Variants in NRG1 observed in about 807,000 individuals in gnomAD.
NRG1 encodes pro-neuregulin-1, membrane-bound isoform.
A neutral mutation model predicts 63.8 loss-of-function variants in NRG1; 18 were observed. The ratio of observed to expected loss-of-function variants is 0.28; its 90% CI spans 0.19 to 0.42. The LOEUF (loss-of-function observed/expected upper bound fraction) is 0.42. Among genes scored for constraint, NRG1 ranks in the 10% least tolerant of loss-of-function variants. The pLI, the probability that NRG1 is intolerant of heterozygous loss-of-function variation, is 1.00. For synonymous variants in NRG1, 302 were observed against 301.3 expected (o/e 1.00, Z -0.02); for missense variants, 762 against 814.7 (o/e 0.94, Z 0.79).
chr8:32,372,917 G>A (rs907733149), intron 1 of NRG1, among the ~76,000 whole-genome samples: 5 of 152,206 alleles, frequency 3.3e-5, no homozygotes, highest in Admixed American at 6.5e-5. Context: ...GAGGGAAGGC[G>A]AGTGACAGCA....
chr8:32,074,723 A>G (rs1311078205), intron 1 of NRG1, among the ~76,000 whole-genome samples: 2 of 152,190 alleles, frequency 1.3e-5, no homozygotes, highest in African/African-American at 4.8e-5. Context: ...TTATGAATTC[A>G]TTGGAAATAG....
chr8:32,489,521 G>A (rs532816039), intron 1 of NRG1, among the ~76,000 whole-genome samples: 2 of 152,126 alleles, frequency 1.3e-5, no homozygotes, highest in Non-Finnish European at 2.9e-5. Context: ...GCACTGTCCT[G>A]CTCTGCTCAT....
chr8:32,134,016 A>C (rs1433749685), intron 1 of NRG1, among the ~76,000 whole-genome samples: 1 of 152,112 alleles, frequency 6.6e-6, no homozygotes, highest in Non-Finnish European at 1.5e-5. Flanking sequence ...CAGATAAAAG[A>C]ATTTTACACT....
intron 1 of NRG1, among the ~76,000 whole-genome samples, chr8:32,017,785 A>T (rs964283201): frequency 6.6e-6 from 1 of 152,132 alleles, no homozygotes; most frequent in African/African-American, 2.4e-5. Context: ...CCCTCCAGGA[A>T]CCTCCACACA....
At chr8:31,735,959 G>A (rs1299349098) in intron 1 of NRG1, among the ~76,000 whole-genome samples, 4 of 152,078 alleles carry the variant, frequency 2.6e-5, no homozygotes, top group Non-Finnish European at 5.9e-5. Flanking sequence ...CCTCACATCT[G>A]TCCTTTTCTT....
At chr8:32,520,304 G>A (rs1394893640) in intron 1 of NRG1, among the ~76,000 whole-genome samples, 1 of 151,636 alleles carries the variant, frequency 6.6e-6, no homozygotes, top group Non-Finnish European at 1.5e-5. Context: ...CCACAGGCAC[G>A]TGCCACCTTG....
At chr8:31,661,151 G>T (rs576497868) in intron 1 of NRG1, among the ~76,000 whole-genome samples, 1 of 152,176 alleles carries the variant, frequency 6.6e-6, no homozygotes, top group African/African-American at 2.4e-5. Context: ...TATTTTAATG[G>T]TTACATCTAA....
intron 1 of NRG1, among the ~76,000 whole-genome samples, chr8:31,676,333 T>C (rs1807694974): frequency 1.3e-5 from 2 of 152,184 alleles, no homozygotes; most frequent in African/African-American, 2.4e-5. Flanking sequence ...AATATTTCCA[T>C]GCGATCATAG....
At position 31,714,663 on chromosome 8, in the gene NRG1, T is replaced by C. The variant is rs147999528; in HGVS notation, c.37+75232T>C. Among the ~76,000 whole-genome samples, 673 of 152,298 alleles carry C rather than the reference T, an allele frequency of 4.4e-3. 6 individuals carry two copies. The highest frequency in any genetic ancestry group is 0.016 in the African/African-American group (645 of 41,580). On this transcript the variant is annotated intron_variant, in intron 1 of 10. Transcript: ENST00000519301. ...GCACTTTGCTTCCTGAGATAAATCATCTATATGCATCTATCCATGTATCTA... is the reference window on the plus strand; with the variant it reads ...GCACTTTGCTTCCTGAGATAAATCACCTATATGCATCTATCCATGTATCTA...
intron 1 of NRG1, among the ~76,000 whole-genome samples, chr8:32,448,734 G>T (rs549555068): frequency 4.3e-4 from 65 of 152,148 alleles, no homozygotes; most frequent in African/African-American, 1.4e-3. Flanking sequence ...GAGGTTCCTC[G>T]GCACCTCCTG....
At chr8:31,732,567 G>T (rs1240741502) in intron 1 of NRG1, among the ~76,000 whole-genome samples, 1 of 152,078 alleles carries the variant, frequency 6.6e-6, no homozygotes, top group African/African-American at 2.4e-5. Flanking sequence ...TAGCATTAAA[G>T]TCAGGACTTT....
At chr8:31,903,142 C>T (rs574856276) in intron 1 of NRG1, among the ~76,000 whole-genome samples, 47 of 127,630 alleles carry the variant, frequency 3.7e-4, no homozygotes, top group African/African-American at 1.1e-3. Context: ...GGCCTAGAGC[C>T]TTCAACTTTT....
intron 1 of NRG1, among the ~76,000 whole-genome samples, chr8:31,785,263 T>C (rs1820060842): frequency 6.6e-6 from 1 of 152,018 alleles, no homozygotes; most frequent in African/African-American, 2.4e-5. Context: ...AGTATGGGAG[T>C]TGTCCTTCAA....
rs530152172 is a variant in NRG1 at position 32,594,276 on chromosome 8, G to C, written c.101-1552G>C. On this transcript the variant is annotated intron_variant, in intron 1 of 11. Transcript: ENST00000356819. ...TTAGGTACGGAATCAGGGAGGTATAGACTCATTTGCCTGGGTTTGTTTTCT... is the reference window on the plus strand; with the variant it reads ...TTAGGTACGGAATCAGGGAGGTATACACTCATTTGCCTGGGTTTGTTTTCT... 1.3e-4 allele frequency among the ~76,000 whole-genome samples: 20 copies of C among 152,234 alleles called. 1 individual carries two copies. The highest frequency in any genetic ancestry group is 4.8e-4 in the African/African-American group (20 of 41,532).
In NRG1 at chr8:32,637,110, T is replaced by C. The variant is rs565027333; in HGVS notation, c.502+20225T>C. 1.6e-4 allele frequency among the ~76,000 whole-genome samples: 25 copies of C among 152,238 alleles called. No individual in the cohort carries two copies. The South Asian group carries it at 1.7e-3, about 10-fold the overall frequency. On this transcript the variant is annotated intron_variant, in intron 5 of 11. Coordinates refer to ENST00000356819, the Ensembl canonical transcript of NRG1. ...AAAGTTCCAGCATTTTATTATGAAA[T>C]TTTCAAACATAGAGAAAAGGTGAAT... is the stretch of plus-strand genomic sequence containing the variant.
intron 1 of NRG1, among the ~76,000 whole-genome samples, chr8:31,922,096 C>A (rs1302309283): frequency 6.6e-6 from 1 of 152,154 alleles, no homozygotes; most frequent in Non-Finnish European, 1.5e-5. Context: ...AGGAATTATT[C>A]TAATGACTTC....
intron 5 of NRG1, among the ~76,000 whole-genome samples, chr8:32,658,099 A>T (rs894469621): frequency 9.2e-5 from 14 of 152,192 alleles, no homozygotes; most frequent in African/African-American, 2.7e-4. Flanking sequence ...CATGAATATG[A>T]TCCTTATAAT....
rs142841681 is a variant in NRG1, at chr8:32,193,304, TTG to T, written c.38-402498_38-402497del. 2.5e-3 allele frequency among the ~76,000 whole-genome samples: 375 copies of T among 147,908 alleles called. 1 individual carries two copies. The highest frequency in any genetic ancestry group is 4.1e-3 in the Non-Finnish European group (273 of 66,746). ...ATATAGTGCTTTTCTTTTTCTACCT[TTG>T]TGTGTGTGTGTGTGTGTGTGTGTGT... On this transcript the variant is annotated intron_variant, in intron 1 of 10. Transcript: ENST00000519301.
intron 1 of NRG1, among the ~76,000 whole-genome samples, chr8:32,500,403 G>C (rs1323486640): frequency 2.6e-5 from 4 of 152,252 alleles, no homozygotes; most frequent in Non-Finnish European, 4.4e-5. Context: ...TGTAAGGCTA[G>C]GAACGCTATA....
Sources: allele counts gnomAD v4.1 joint callset (sites outside exome capture counted in the v4.1 genomes callset), GRCh38; gene constraint gnomAD v4.1.1; transcripts MANE v1.5; gene names NCBI Gene and HGNC (gene_info 2026-07-23, HGNC 2026-07-21).